C12orf42: variants seen among roughly 807,000 people sequenced by gnomAD.
The protein encoded by C12orf42 is uncharacterized protein C12orf42.
A neutral mutation model predicts 21.6 loss-of-function variants in C12orf42; 25 were observed. That is an observed-to-expected ratio of 1.16 (90% CI 0.84 to 1.62). C12orf42 has a LOEUF of 1.62. Among genes scored for constraint, C12orf42 ranks in the 40% most tolerant of loss-of-function variants. The pLI is 0.00. For synonymous variants in C12orf42, 174 were observed against 175.0 expected (o/e 0.99, Z 0.05); for missense variants, 483 against 459.3 (o/e 1.05, Z -0.47).
At chr12:103,306,541 A>C (rs1468111542) in intron 4 of C12orf42, among the ~76,000 whole-genome samples, 196 bp from the exon 5 acceptor site, 1 of 152,154 alleles carries the variant, frequency 6.6e-6, no homozygotes, top group Non-Finnish European at 1.5e-5. Context: ...GAGGTAGAGG[A>C]CAGGATGTTT....
intron 10 of C12orf42, among the ~76,000 whole-genome samples, chr12:103,241,230 G>A (rs2033725291): frequency 6.7e-6 from 1 of 150,168 alleles, no homozygotes; most frequent in Non-Finnish European, 1.5e-5. Context: ...TTCTCCCTGA[G>A]TCTTCCTTCT....
chr12:103,207,034 G>T, the C12orf42 span, among the ~76,000 whole-genome samples: 2 of 152,164 alleles, frequency 1.3e-5, no homozygotes, highest in African/African-American at 2.4e-5. Context: ...AGGATGAAAA[G>T]GTAGCTCTGT....
intron 10 of C12orf42, among the ~76,000 whole-genome samples, chr12:103,261,792 G>T (rs2136225088): frequency 6.6e-6 from 1 of 152,080 alleles, no homozygotes; most frequent in East Asian, 1.9e-4. Flanking sequence ...ATGACCAAAT[G>T]ACAAAGAATA....
the C12orf42 span, among the ~76,000 whole-genome samples, chr12:103,099,364 C>T: frequency 6.6e-6 from 1 of 152,134 alleles, no homozygotes; most frequent in Admixed American, 6.5e-5. Flanking sequence ...GTAGAAATAG[C>T]TTTATAGCAG....
chr12:103,132,736 T>C, the C12orf42 span, among the ~76,000 whole-genome samples: 1 of 152,198 alleles, frequency 6.6e-6, no homozygotes, highest in African/African-American at 2.4e-5. Flanking sequence ...CCTTCAGCAG[T>C]GTAGCCACTG....
chr12:103,090,128 T>C, the C12orf42 span, among the ~76,000 whole-genome samples: 1 of 152,236 alleles, frequency 6.6e-6, no homozygotes, highest in Non-Finnish European at 1.5e-5. Context: ...TAAGATTTCA[T>C]TCTCCATGAC....
At chr12:103,487,201 T>A (rs1490310785) in intron 1 of C12orf42, among the ~76,000 whole-genome samples, 1 of 152,204 alleles carries the variant, frequency 6.6e-6, no homozygotes, top group Non-Finnish European at 1.5e-5. Context: ...TCTGCCTTCA[T>A]TTCGTTATTT....
the C12orf42 span, among the ~76,000 whole-genome samples, chr12:103,154,789 A>G: frequency 1.6e-4 from 24 of 152,322 alleles, no homozygotes; most frequent in Non-Finnish European, 2.9e-5. Context: ...GAAAAAAACA[A>G]AGAGAAAAAA....
the C12orf42 span, among the ~76,000 whole-genome samples, chr12:103,174,445 A>G: frequency 6.6e-6 from 1 of 152,176 alleles, no homozygotes; most frequent in Non-Finnish European, 1.5e-5. Flanking sequence ...TTCTTCAGTC[A>G]ACCCATGATG....
chr12:103,315,486 T>C (rs1363391848), intron 4 of C12orf42, among the ~76,000 whole-genome samples: 2 of 152,272 alleles, frequency 1.3e-5, no homozygotes, highest in Non-Finnish European at 2.9e-5. Flanking sequence ...ATCAGTGAAC[T>C]TGAAGACAGG....
the C12orf42 span, among the ~76,000 whole-genome samples, chr12:103,229,070 C>G: frequency 6.6e-6 from 1 of 152,132 alleles, no homozygotes; most frequent in Non-Finnish European, 1.5e-5. Flanking sequence ...AAAATTATTA[C>G]TCATCCTCAA....
At chr12:103,489,217 G>T (rs539287112) in intron 1 of C12orf42, among the ~76,000 whole-genome samples, 1 of 152,200 alleles carries the variant, frequency 6.6e-6, no homozygotes, top group Non-Finnish European at 1.5e-5. Flanking sequence ...TTAGCTGCAG[G>T]TCTGTTGGAG....
rs2044778990 is a variant in C12orf42, at chr12:103,368,000, T to C, written c.259+887A>G. 3 of 1,158,316 alleles carry C rather than the reference T, an allele frequency of 2.6e-6. No homozygotes were observed. In the South Asian group the frequency reaches 4.0e-5, roughly 15 times the overall value. The allele number at this position is 1,158,316 out of a possible 1,614,324, so 71.8% of individuals were successfully genotyped here. On this transcript the variant is annotated intron_variant, in intron 4 of 5. Coordinates refer to ENST00000548883, the MANE Select transcript of C12orf42 (RefSeq NM_198521.5). ...AAATAATGCGTTGTTCAAATGAAAA[T>C]GTAGCAGTTACCTGCTTTATCAGTT...
At chr12:103,069,532 C>T in the C12orf42 span, among the ~76,000 whole-genome samples, 7 of 152,230 alleles carry the variant, frequency 4.6e-5, no homozygotes, top group East Asian at 1.3e-3. Flanking sequence ...TATTTTATGG[C>T]ATTTATTAAA....
At chr12:103,065,326 T>G in the C12orf42 span, among the ~76,000 whole-genome samples, 1 of 152,210 alleles carries the variant, frequency 6.6e-6, no homozygotes, top group South Asian at 2.1e-4. Context: ...TTGAGCAAAT[T>G]AACACATCTC....
chr12:103,300,986 C>G (rs1466539034), downstream of C12orf42, among the ~76,000 whole-genome samples: 2 of 152,102 alleles, frequency 1.3e-5, no homozygotes, highest in Non-Finnish European at 2.9e-5. Flanking sequence ...CTTTAAAGTG[C>G]ATAATTCTTA....
chr12:103,454,524 T>G (rs118169044), intron 2 of C12orf42, among the ~76,000 whole-genome samples: 1,938 of 152,244 alleles, frequency 0.013, 12 homozygotes, highest in Non-Finnish European at 0.022. Context: ...ATATTCAAAT[T>G]TCTGTATCCA....
At chr12:103,191,706 G>A in the C12orf42 span, among the ~76,000 whole-genome samples, 1 of 145,608 alleles carries the variant, frequency 6.9e-6, no homozygotes, top group African/African-American at 2.6e-5. Context: ...TTGCACCACT[G>A]TACCCCAGCT....
At chr12:103,065,356 C>T in the C12orf42 span, among the ~76,000 whole-genome samples, 1 of 152,336 alleles carries the variant, frequency 6.6e-6, no homozygotes, top group East Asian at 1.9e-4. Flanking sequence ...GGTATGCAGC[C>T]ATTGACTTGG....
Sources: allele counts gnomAD v4.1 joint callset (sites outside exome capture counted in the v4.1 genomes callset), GRCh38; gene constraint gnomAD v4.1.1; transcripts MANE v1.5; gene names NCBI Gene and HGNC (gene_info 2026-07-23, HGNC 2026-07-21).